Variants in PARP8 observed in about 807,000 individuals in gnomAD.
PARP8 encodes the protein protein mono-ADP-ribosyltransferase PARP8.
In PARP8, 51 loss-of-function variants were observed where a neutral mutation model predicts 124.1. That is an observed-to-expected ratio of 0.41 (90% CI 0.33 to 0.52). The LOEUF (loss-of-function observed/expected upper bound fraction) is 0.52. Among genes scored for constraint, PARP8 ranks in the 20% least tolerant of loss-of-function variants. The probability of loss-of-function intolerance (pLI) is 0.21; values close to 1 mark genes in which losing one functional copy is unlikely to be tolerated. For synonymous variants in PARP8, 391 were observed against 361.5 expected (o/e 1.08, Z -0.93); for missense variants, 860 against 1,018.9 (o/e 0.84, Z 2.12).
upstream of PARP8, chr5:50,666,034 T>C (rs1451497783): frequency 1.3e-5 from 2 of 152,192 alleles, no homozygotes; most frequent in East Asian, 3.9e-4. Context: ...TTCTGACCAT[T>C]TCTCATGAAC....
At chr5:50,834,750 A>T in intron 24 of PARP8, 181 bp from the exon 25 acceptor site, 1 of 629,788 alleles carries the variant, frequency 1.6e-6, no homozygotes, top group Non-Finnish European at 2.8e-6. Flanking sequence ...AAGTTGTTAC[A>T]TGGTCTTTCA....
chr5:50,801,224 C>T (rs184427533), intron 14 of PARP8, among the ~76,000 whole-genome samples: 3 of 151,984 alleles, frequency 2.0e-5, no homozygotes, highest in East Asian at 3.9e-4. Flanking sequence ...CCTCAGCCTC[C>T]GAGTAGCTGG....
chr5:50,733,833 G>T (rs1021594991), intron 2 of PARP8, among the ~76,000 whole-genome samples: 5 of 152,056 alleles, frequency 3.3e-5, no homozygotes, highest in African/African-American at 4.8e-5. Context: ...GTTTCTTACA[G>T]ATCTGGTTCC....
rs1240083486 is a variant in PARP8 at position 50,728,583 on chromosome 5, A to AT, written c.147-21556dup. 1.8e-3 allele frequency among the ~76,000 whole-genome samples: 270 copies of AT among 146,220 alleles called. 1 individual carries two copies. The highest frequency in any genetic ancestry group is 5.5e-3 in the African/African-American group (221 of 40,212). ...CTCAGTTCCTAAAGAACTACACAGA[A>AT]TTTTTTTTTTTTGGCACCCAAATAA... On this transcript the variant is annotated intron_variant, in intron 2 of 25. Transcript: ENST00000281631.
At chr5:50,716,844 G>C (rs1755370885) in intron 2 of PARP8, among the ~76,000 whole-genome samples, 1 of 151,920 alleles carries the variant, frequency 6.6e-6, no homozygotes. Context: ...GTTTCTTCCT[G>C]CTAGTGAATG....
chr5:50,724,096 A>G (rs371366732), intron 2 of PARP8, among the ~76,000 whole-genome samples: 1 of 152,118 alleles, frequency 6.6e-6, no homozygotes, highest in Non-Finnish European at 1.5e-5. Context: ...AGTTGGGACT[A>G]TAGGCATCCC....
intron 20 of PARP8, 68 bp from the exon 21 acceptor site, chr5:50,828,244 A>G: frequency 6.8e-7 from 1 of 1,471,628 alleles, no homozygotes. Flanking sequence ...ATGACTTATT[A>G]TGTTTTGACC....
intron 2 of PARP8, among the ~76,000 whole-genome samples, chr5:50,710,523 A>C (rs1754670433): frequency 6.6e-6 from 1 of 152,104 alleles, no homozygotes; most frequent in Admixed American, 6.6e-5. Context: ...TAAATTAAAT[A>C]AACCTTTTTT....
At chr5:50,750,086 T>G (rs1381256130) in intron 2 of PARP8, 65 bp from the exon 3 acceptor site, 125 of 1,323,252 alleles carry the variant, frequency 9.4e-5, no homozygotes, top group Non-Finnish European at 8.5e-5. Context: ...GGTTTGTCTT[T>G]TTTTTATAAA....
chr5:50,807,313 C>T (rs1561409708), intron 14 of PARP8, among the ~76,000 whole-genome samples: 1 of 152,070 alleles, frequency 6.6e-6, no homozygotes, highest in African/African-American at 2.4e-5. Context: ...ATAAATGTCA[C>T]TCTCAGATTT....
chr5:50,718,342 A>G (rs767320014), intron 2 of PARP8, among the ~76,000 whole-genome samples: 1 of 152,082 alleles, frequency 6.6e-6, no homozygotes, highest in African/African-American at 2.4e-5. Flanking sequence ...GCAATCTTGC[A>G]TAATGACTTC....
At chr5:50,749,412 T>C (rs1330213350) in intron 2 of PARP8, among the ~76,000 whole-genome samples, 8 of 152,036 alleles carry the variant, frequency 5.3e-5, no homozygotes, top group African/African-American at 1.9e-4. Context: ...TAGACGTAGA[T>C]CTTAACCTCA....
intron 9 of PARP8, among the ~76,000 whole-genome samples, chr5:50,787,382 A>G (rs1292601971): frequency 1.3e-5 from 2 of 152,090 alleles, no homozygotes; most frequent in African/African-American, 4.8e-5. Context: ...TGTTCCTAGG[A>G]TATTTCAGCA....
chr5:50,728,816 C>A (rs1220933679), intron 2 of PARP8, among the ~76,000 whole-genome samples: 1 of 152,032 alleles, frequency 6.6e-6, no homozygotes, highest in Non-Finnish European at 1.5e-5. Context: ...TGATGTCACT[C>A]TTAAAATGAA....
intron 7 of PARP8, among the ~76,000 whole-genome samples, chr5:50,773,376 AT>A (rs1332896514): frequency 2.0e-5 from 3 of 152,048 alleles, no homozygotes; most frequent in African/African-American, 4.8e-5. Context: ...ATCTAGTTTC[AT>A]TTTTTTGCAT....
intron 2 of PARP8, among the ~76,000 whole-genome samples, chr5:50,731,460 G>A (rs1474316838): frequency 6.6e-6 from 1 of 152,104 alleles, no homozygotes; most frequent in East Asian, 1.9e-4. Context: ...ATCTAAATCT[G>A]GGAAATATGG....
chr5:50,803,763 T>C (rs2149669420), intron 14 of PARP8, among the ~76,000 whole-genome samples: 1 of 152,318 alleles, frequency 6.6e-6, no homozygotes, highest in South Asian at 2.1e-4. Flanking sequence ...AGTTTAAAGT[T>C]TGTGTCTAGT....
chr5:50,705,758 A>G (rs1165699807), intron 2 of PARP8, among the ~76,000 whole-genome samples: 1 of 152,038 alleles, frequency 6.6e-6, no homozygotes, highest in Non-Finnish European at 1.5e-5. Flanking sequence ...ACTCCAGCCT[A>G]GGTGACACAA....
intron 3 of PARP8, among the ~76,000 whole-genome samples, chr5:50,756,069 G>A (rs6881500): frequency 0.9 from 137,186 of 152,194 alleles, 61,890 homozygotes; most frequent in East Asian, 1. Context: ...TATCAGCTTA[G>A]GGAGATTTTG....
Sources: allele counts gnomAD v4.1 joint callset (sites outside exome capture counted in the v4.1 genomes callset), GRCh38; gene constraint gnomAD v4.1.1; transcripts MANE v1.5; gene names NCBI Gene and HGNC (gene_info 2026-07-23, HGNC 2026-07-21).